DAB1: variants seen among roughly 807,000 people sequenced by gnomAD.
DAB1 encodes disabled homolog 1.
DAB1 carries 15 observed loss-of-function variants against 64.6 expected under a neutral mutation model. That is an observed-to-expected ratio of 0.23 (90% CI 0.16 to 0.36). The LOEUF (loss-of-function observed/expected upper bound fraction) is 0.36. Among genes scored for constraint, DAB1 ranks in the 10% least tolerant of loss-of-function variants. The probability of loss-of-function intolerance (pLI) is 1.00; values close to 1 mark genes in which losing one functional copy is unlikely to be tolerated. For missense variants in DAB1, 596 were observed against 706.7 expected (o/e 0.84, Z 1.78); for synonymous variants, 235 against 251.9 (o/e 0.93, Z 0.64).
At chr1:58,432,733 T>C (rs1644893608) in intron 3 of DAB1, among the ~76,000 whole-genome samples, 1 of 152,200 alleles carries the variant, frequency 6.6e-6, no homozygotes, top group African/African-American at 2.4e-5. Flanking sequence ...ACTGACACTT[T>C]GCCCCAATAA....
At chr1:57,048,597 C>G (rs1303882659) in intron 9 of DAB1, among the ~76,000 whole-genome samples, 1 of 152,210 alleles carries the variant, frequency 6.6e-6, no homozygotes, top group African/African-American at 2.4e-5. Context: ...TTATTCTGGA[C>G]AGTAGTTTTC....
intron 6 of DAB1, among the ~76,000 whole-genome samples, chr1:57,660,584 G>A (rs772368784): frequency 3.9e-5 from 6 of 152,218 alleles, no homozygotes; most frequent in African/African-American, 7.2e-5. Context: ...GACATGCTGC[G>A]TGACAGATTC....
chr1:57,998,135 G>A (rs1288661900), intron 5 of DAB1, among the ~76,000 whole-genome samples: 1 of 152,090 alleles, frequency 6.6e-6, no homozygotes, highest in African/African-American at 2.4e-5. Context: ...TCTGTGTCCT[G>A]CCAGAGACAA....
At chr1:57,294,329 A>C (rs1162348257) in intron 1 of DAB1, among the ~76,000 whole-genome samples, 4 of 152,178 alleles carry the variant, frequency 2.6e-5, no homozygotes, top group Admixed American at 6.6e-5. Flanking sequence ...AGCTCTTCAA[A>C]TCTAAATGTG....
chr1:58,349,601 C>T (rs1644032353), intron 3 of DAB1, among the ~76,000 whole-genome samples: 1 of 152,062 alleles, frequency 6.6e-6, no homozygotes, highest in Admixed American at 6.6e-5. Flanking sequence ...AATGCTATCC[C>T]TCCCCTAGAC....
intron 4 of DAB1, among the ~76,000 whole-genome samples, chr1:58,303,335 G>A (rs1423279965): frequency 6.6e-6 from 1 of 151,448 alleles, no homozygotes; most frequent in Non-Finnish European, 1.5e-5. Flanking sequence ...GACCCCACTT[G>A]GTTTTTCAGT....
At chr1:58,323,979 A>T (rs1662759599) in intron 4 of DAB1, among the ~76,000 whole-genome samples, 1 of 142,830 alleles carries the variant, frequency 7.0e-6, no homozygotes, top group Non-Finnish European at 1.5e-5. Context: ...ACCATCAATT[A>T]AAAAAAAATT....
intron 5 of DAB1, among the ~76,000 whole-genome samples, chr1:57,891,705 T>C (rs757270618): frequency 6.6e-5 from 10 of 152,282 alleles, no homozygotes; most frequent in Middle Eastern, 3.4e-3. Context: ...TGCAGGAACA[T>C]GGATGAAGCT....
chr1:57,090,943 G>A (rs1289122618), intron 4 of DAB1, among the ~76,000 whole-genome samples: 1 of 152,088 alleles, frequency 6.6e-6, no homozygotes, highest in East Asian at 1.9e-4. Context: ...AGAGATCTAC[G>A]TTGCACACTC....
chr1:57,754,495 G>C (rs568808015), intron 6 of DAB1, among the ~76,000 whole-genome samples: 1 of 152,056 alleles, frequency 6.6e-6, no homozygotes, highest in Non-Finnish European at 1.5e-5. Context: ...AGACCAGCCT[G>C]GCCAAGATGG....
At chr1:58,162,100 G>A (rs1655568839) in intron 4 of DAB1, among the ~76,000 whole-genome samples, 1 of 152,038 alleles carries the variant, frequency 6.6e-6, no homozygotes, top group South Asian at 2.1e-4. Context: ...TAGGATGTAG[G>A]GCATGAAAGA....
At chr1:58,215,646 C>G (rs1235432254) in intron 4 of DAB1, among the ~76,000 whole-genome samples, 1 of 152,134 alleles carries the variant, frequency 6.6e-6, no homozygotes, top group Non-Finnish European at 1.5e-5. Flanking sequence ...TCTGCCATCT[C>G]TATCTGGCCT....
chr1:57,983,453 T>C (rs1646115992), intron 5 of DAB1, among the ~76,000 whole-genome samples: 1 of 152,148 alleles, frequency 6.6e-6, no homozygotes, highest in Non-Finnish European at 1.5e-5. Context: ...ATGAGCTCAC[T>C]GGGCAGAGTA....
intron 1 of DAB1, among the ~76,000 whole-genome samples, chr1:58,546,426 G>A (rs1052738409): frequency 2.6e-5 from 4 of 152,138 alleles, no homozygotes; most frequent in Non-Finnish European, 5.9e-5. Context: ...CGGGGTCACC[G>A]GCGTGCCCCG....
intron 3 of DAB1, among the ~76,000 whole-genome samples, chr1:58,405,411 G>A (rs1447348072): frequency 6.6e-6 from 1 of 151,910 alleles, no homozygotes; most frequent in Non-Finnish European, 1.5e-5. Context: ...TGTTACCCAG[G>A]CTGTAGTTCA....
chr1:57,541,415 C>T (rs1644802497), intron 7 of DAB1, among the ~76,000 whole-genome samples: 1 of 152,148 alleles, frequency 6.6e-6, no homozygotes, highest in South Asian at 2.1e-4. Context: ...AGGCGTGAGC[C>T]ACCGCACCCA....
chr1:58,084,705 G>C (rs1650195440), intron 5 of DAB1: 1 of 152,312 alleles, frequency 6.6e-6, no homozygotes, highest in Non-Finnish European at 1.5e-5. Flanking sequence ...TGGTCTCTCT[G>C]TGCCTCAGTT....
At chr1:58,249,173 T>C (rs1366315207) in intron 4 of DAB1, among the ~76,000 whole-genome samples, 1 of 151,790 alleles carries the variant, frequency 6.6e-6, no homozygotes, top group Admixed American at 6.6e-5. Context: ...TCAGCAAAAA[T>C]TGGTACACGC....
intron 1 of DAB1, among the ~76,000 whole-genome samples, chr1:57,859,980 G>T (rs752275022): frequency 6.6e-6 from 1 of 152,144 alleles, no homozygotes; most frequent in Non-Finnish European, 1.5e-5. Flanking sequence ...CTGATCTTCA[G>T]AGCTTTTTCA....
Sources: gnomAD v4.1 joint callset for allele counts (sites outside exome capture counted in the v4.1 genomes callset) on GRCh38, gnomAD v4.1.1 for gene constraint, MANE v1.5 for transcripts, NCBI Gene and HGNC (gene_info 2026-07-23, HGNC 2026-07-21) for gene names.